Variants in NT5M observed in about 807,000 individuals in gnomAD.
NT5M encodes 5',3'-nucleotidase, mitochondrial.
Under a neutral mutation model 22.2 loss-of-function variants are expected in NT5M, and 22 were observed. The observed-to-expected ratio is 0.99, with a 90% CI of 0.71 to 1.41. NT5M has a LOEUF of 1.41. NT5M is among the 40% of genes most tolerant of loss of function. The pLI is 0.00. For missense variants in NT5M, 322 were observed against 314.8 expected (o/e 1.02, Z -0.17); for synonymous variants, 167 against 133.0 (o/e 1.26, Z -1.76).
intron 3 of NT5M, among the ~76,000 whole-genome samples, chr17:17,324,877 C>G (rs76793342): frequency 6.6e-6 from 1 of 152,138 alleles, no homozygotes; most frequent in South Asian, 2.1e-4. Flanking sequence ...GCTAGGAGCA[C>G]GAGTTCACTT....
intron 4 of NT5M, chr17:17,345,119 C>T: frequency 1.0e-6 from 1 of 997,566 alleles, no homozygotes; most frequent in Non-Finnish European, 1.4e-6. Flanking sequence ...GGTGCCAGCT[C>T]TAGGGTTAGC....
intron 1 of NT5M, chr17:17,304,318 T>C: frequency 2.7e-6 from 2 of 750,152 alleles, no homozygotes; most frequent in Non-Finnish European, 3.2e-6. Flanking sequence ...AGTGAGTCAG[T>C]GGTCCAGGTG....
At chr17:17,339,106 C>T (rs2049586757) in intron 3 of NT5M, among the ~76,000 whole-genome samples, 1 of 152,136 alleles carries the variant, frequency 6.6e-6, no homozygotes. Flanking sequence ...TATATTTATT[C>T]TTCTAATCCA....
At chr17:17,326,559 C>T (rs751523398) in intron 3 of NT5M, among the ~76,000 whole-genome samples, 8 of 152,224 alleles carry the variant, frequency 5.3e-5, no homozygotes, top group African/African-American at 1.9e-4. Flanking sequence ...AGGGGCAGAG[C>T]CCGCAGACCG....
chr17:17,329,799 G>A (rs1337647911), intron 3 of NT5M, among the ~76,000 whole-genome samples: 2 of 151,700 alleles, frequency 1.3e-5, no homozygotes, highest in African/African-American at 2.4e-5. Flanking sequence ...AACATGATGA[G>A]ACCCCATCTG....
intron 3 of NT5M, among the ~76,000 whole-genome samples, chr17:17,333,223 T>G (rs929717509): frequency 5.3e-5 from 8 of 152,246 alleles, no homozygotes; most frequent in Non-Finnish European, 7.3e-5. Flanking sequence ...TCTTTAGATA[T>G]GCTAGAAACA....
intron 2 of NT5M, among the ~76,000 whole-genome samples, chr17:17,313,296 A>C (rs936805618): frequency 1.3e-5 from 2 of 151,960 alleles, no homozygotes; most frequent in African/African-American, 4.8e-5. Context: ...AACACCAAAA[A>C]CCAAAAAAGG....
intron 3 of NT5M, among the ~76,000 whole-genome samples, chr17:17,329,138 G>A (rs957364340): frequency 4.6e-5 from 7 of 152,100 alleles, no homozygotes; most frequent in East Asian, 3.9e-4. Flanking sequence ...CTACCACGCC[G>A]AGCTAATTTT....
chr17:17,325,162 T>G (rs182294039), intron 3 of NT5M, among the ~76,000 whole-genome samples: 1 of 152,334 alleles, frequency 6.6e-6, no homozygotes, highest in Non-Finnish European at 1.5e-5. Context: ...GAGTCACTAT[T>G]TCAGCTGGAG....
chr17:17,337,723 G>A (rs1159649127), intron 3 of NT5M, among the ~76,000 whole-genome samples: 1 of 152,100 alleles, frequency 6.6e-6, no homozygotes, highest in Non-Finnish European at 1.5e-5. Flanking sequence ...TGTCTATTTA[G>A]ATCTTTTGCC....
chr17:17,341,321 A>G (rs1045639908), intron 3 of NT5M, among the ~76,000 whole-genome samples: 3 of 152,148 alleles, frequency 2.0e-5, no homozygotes, highest in African/African-American at 7.2e-5. Flanking sequence ...GTGTCCTCAC[A>G]GTTTTTTATT....
At position 17,303,534 on chromosome 17, in the gene NT5M, G is replaced by T; in HGVS notation, c.-17G>T. 9.6e-7 allele frequency: 1 copy of T among 1,046,798 alleles called. No individual in the cohort carries two copies. Among genetic ancestry groups the T allele is most frequent in the South Asian group, 4.4e-5 (1 of 22,748 alleles). The allele number at this position is 1,046,798 out of a possible 1,614,324, so 64.8% of individuals were successfully genotyped here. On this transcript the variant is annotated 5_prime_UTR_variant, in exon 1 of 5. Transcript: ENST00000389022. ...GGCCCAGGTCCCCGCGCCCACGACGGGCCAGCGCGCTGGGCCATGATCCGG... is the reference window on the plus strand; with the variant it reads ...GGCCCAGGTCCCCGCGCCCACGACGTGCCAGCGCGCTGGGCCATGATCCGG...
At position 17,344,878 on chromosome 17, in the gene NT5M, C is replaced by A; in HGVS notation, c.514C>A (p.Leu172Ile). The change falls in exon 4 of 5, where the codon CTT becomes ATT. Residue 172 changes from leucine (L) to isoleucine (I), a missense_variant. By Grantham distance (5) the Leu-to-Ile change is conservative (BLOSUM62 2). Coordinates refer to ENST00000389022, the MANE Select transcript of NT5M (RefSeq NM_020201.4). ...AGACAAGACCGTGGTCTCTGCTGAC[C>A]TTCTCATAGACGACCGGCCGGACAT... ...TRDKTVVSADLLIDDRPDITG... is the reference protein window; with the variant it reads ...TRDKTVVSADILIDDRPDITG... 1 of 1,614,216 alleles carries A rather than the reference C, an allele frequency of 6.2e-7. No homozygotes were observed. Among genetic ancestry groups the A allele is most frequent in the Non-Finnish European group, 8.5e-7 (1 of 1,180,018 alleles).
chr17:17,328,166 G>A (rs2049301131), intron 3 of NT5M, among the ~76,000 whole-genome samples: 1 of 152,190 alleles, frequency 6.6e-6, no homozygotes, highest in Non-Finnish European at 1.5e-5. Context: ...ACCACATAGG[G>A]TCAGTCAATA....
chr17:17,345,654 C>CAAAAAAA (rs200957034), intron 4 of NT5M, among the ~76,000 whole-genome samples: 3 of 145,676 alleles, frequency 2.1e-5, no homozygotes, highest in Non-Finnish European at 3.0e-5. Context: ...AAAAAAAACA[C>CAAAAAAA]AAAAAAATTA....
At chr17:17,331,771 T>C (rs1397810037) in intron 3 of NT5M, among the ~76,000 whole-genome samples, 1 of 151,296 alleles carries the variant, frequency 6.6e-6, no homozygotes, top group Non-Finnish European at 1.5e-5. Context: ...TATGGTATTC[T>C]TTTTCTTTTT....
At chr17:17,318,036 C>T (rs2145356269) in intron 2 of NT5M, among the ~76,000 whole-genome samples, 1 of 150,850 alleles carries the variant, frequency 6.6e-6, no homozygotes, top group East Asian at 1.9e-4. Context: ...AGGTGTATAT[C>T]CACGGAATTG....
In NT5M at chr17:17,346,929, C is replaced by T. The variant is rs2049773981; in HGVS notation, c.669C>T (p.Asp223=). The T allele has an allele frequency of 3.1e-6, 5 of 1,611,268 alleles. No individual in the cohort carries two copies. The highest frequency in any genetic ancestry group is 3.3e-5 in the Admixed American group (2 of 59,992). ...CGGACGACTGGAAGGCCATTCTGGA[C>T]AGCAAGCGGCCCTGCTGAGCTGGAC... ...SWADDWKAIL[D]SKRPC is the part of the protein sequence containing the mutation. The change falls in exon 5 of 5, where the codon GAC becomes GAT. Residue 223 remains aspartate (D), a synonymous_variant. Transcript: ENST00000389022.
Position 17,344,944 on chromosome 17 carries a change from AG to A in NT5M, c.544+39del, listed in dbSNP as rs762576377. ...TGCGACAGGTGAGGAGCACGTGGGGAGGGCCCCAGCCTTGGCCCCCTTCTCC... is the reference window on the plus strand; with the variant it reads ...TGCGACAGGTGAGGAGCACGTGGGGAGGCCCCAGCCTTGGCCCCCTTCTCC... On this transcript the variant is annotated intron_variant, in intron 4 of 4. Transcript: ENST00000389022. 8.7e-6 allele frequency: 14 copies of A among 1,613,106 alleles called. No individual in the cohort carries two copies. The South Asian group carries it at 1.4e-4, about 16-fold the overall frequency.
Sources: gnomAD v4.1 joint callset for allele counts (sites outside exome capture counted in the v4.1 genomes callset) on GRCh38, gnomAD v4.1.1 for gene constraint, MANE v1.5 for transcripts, NCBI Gene and HGNC (gene_info 2026-07-23, HGNC 2026-07-21) for gene names.